PTPRD: variants seen among roughly 807,000 people sequenced by gnomAD.
PTPRD encodes the protein protein tyrosine phosphatase receptor type D.
In PTPRD, 34 loss-of-function variants were observed where a neutral mutation model predicts 214.5. The observed-to-expected ratio is 0.16, with a 90% CI of 0.12 to 0.21. The LOEUF (loss-of-function observed/expected upper bound fraction) is 0.21. PTPRD is among the 10% of genes least tolerant of loss of function. The pLI is 1.00. For synonymous variants in PTPRD, 1,128 were observed against 845.7 expected (o/e 1.33, Z -5.79); for missense variants, 2,545 against 2,398.7 (o/e 1.06, Z -1.27).
At chr9:9,364,391 G>C (rs1451354204) in intron 9 of PTPRD, among the ~76,000 whole-genome samples, 1 of 151,470 alleles carries the variant, frequency 6.6e-6, no homozygotes, top group East Asian at 1.9e-4. Context: ...AAGTATGTCA[G>C]ATATTGGTGA....
intron 10 of PTPRD, among the ~76,000 whole-genome samples, chr9:9,083,872 A>G (rs1325318003): frequency 2.0e-5 from 3 of 152,238 alleles, no homozygotes; most frequent in African/African-American, 7.2e-5. Flanking sequence ...CACACCAGTT[A>G]GAATGGTGAT....
chr9:9,981,247 A>G (rs2095533072), intron 4 of PTPRD, among the ~76,000 whole-genome samples: 1 of 152,132 alleles, frequency 6.6e-6, no homozygotes, highest in Non-Finnish European at 1.5e-5. Context: ...ACACAGTCAG[A>G]TGGATGAGTT....
intron 11 of PTPRD, among the ~76,000 whole-genome samples, chr9:8,915,031 T>C (rs2098774764): frequency 6.6e-6 from 1 of 152,058 alleles, no homozygotes; most frequent in African/African-American, 2.4e-5. Context: ...TTCAAGGAAC[T>C]ATAAAACATC....
At chr9:9,000,031 C>A (rs1248847625) in intron 11 of PTPRD, among the ~76,000 whole-genome samples, 1 of 151,994 alleles carries the variant, frequency 6.6e-6, no homozygotes, top group East Asian at 1.9e-4. Flanking sequence ...GGCAAATTTA[C>A]ACTCTGTCCA....
At chr9:9,692,549 A>G (rs2821459) in intron 7 of PTPRD, among the ~76,000 whole-genome samples, 150,253 of 152,032 alleles carry the variant, frequency 0.99, 74,273 homozygotes, top group Middle Eastern at 1. Context: ...ACAATTTGAA[A>G]GCAAGTAATG....
At chr9:9,564,930 T>C (rs1269358252) in intron 8 of PTPRD, among the ~76,000 whole-genome samples, 1 of 118,584 alleles carries the variant, frequency 8.4e-6, no homozygotes, top group Non-Finnish European at 1.7e-5. Context: ...CACCTAAGGC[T>C]AACCTGTTAT....
chr9:9,449,734 C>CT (rs141734429), intron 8 of PTPRD, among the ~76,000 whole-genome samples: 6,341 of 151,138 alleles, frequency 0.042, 189 homozygotes, highest in Middle Eastern at 0.075. Context: ...AGCAGTCATT[C>CT]TTTTTTTTTA....
chr9:9,233,398 A>C (rs961079538), intron 9 of PTPRD, among the ~76,000 whole-genome samples: 2 of 152,160 alleles, frequency 1.3e-5, no homozygotes, highest in Non-Finnish European at 2.9e-5. Context: ...GGGAACTACA[A>C]TTCAAGATGA....
intron 11 of PTPRD, among the ~76,000 whole-genome samples, chr9:9,009,987 G>A (rs4742555): frequency 0.8 from 121,329 of 151,930 alleles, 48,868 homozygotes; most frequent in Middle Eastern, 0.92. Context: ...CCCTTTAAAG[G>A]GACTTGGAGT....
At chr9:8,337,324 T>C (rs777369051) in intron 43 of PTPRD, among the ~76,000 whole-genome samples, 2 of 152,084 alleles carry the variant, frequency 1.3e-5, no homozygotes, top group African/African-American at 2.4e-5. Flanking sequence ...TGGATGAAGC[T>C]GGAAACCATC....
chr9:8,827,047 T>A (rs761041784), intron 11 of PTPRD, among the ~76,000 whole-genome samples: 2 of 151,828 alleles, frequency 1.3e-5, no homozygotes, highest in East Asian at 1.9e-4. Flanking sequence ...CACACACATA[T>A]AACACACACA....
intron 12 of PTPRD, among the ~76,000 whole-genome samples, chr9:8,655,929 G>A (rs2096901167): frequency 6.6e-6 from 1 of 151,922 alleles, no homozygotes; most frequent in South Asian, 2.1e-4. Context: ...TCCATGGTTC[G>A]CTACTATTGC....
chr9:10,461,479 T>G (rs2098958246), intron 2 of PTPRD, among the ~76,000 whole-genome samples: 1 of 152,080 alleles, frequency 6.6e-6, no homozygotes, highest in Non-Finnish European at 1.5e-5. Flanking sequence ...GAAACTATCA[T>G]AGTTTATGAA....
chr9:9,850,707 GCAATT>G (rs1417649569), intron 5 of PTPRD, among the ~76,000 whole-genome samples: 1 of 151,908 alleles, frequency 6.6e-6, no homozygotes, highest in Non-Finnish European at 1.5e-5. Flanking sequence ...TACTCTCTAA[GCAATT>G]TTCAAGTATA....
intron 4 of PTPRD, among the ~76,000 whole-genome samples, chr9:10,013,778 T>G (rs1393047476): frequency 6.6e-6 from 1 of 152,014 alleles, no homozygotes; most frequent in East Asian, 1.9e-4. Context: ...AACTTTTATG[T>G]TTTAAATTTC....
intron 14 of PTPRD, among the ~76,000 whole-genome samples, chr9:8,601,922 T>G (rs971174216): frequency 6.6e-6 from 1 of 152,116 alleles, no homozygotes. Flanking sequence ...ACAACCAGCC[T>G]GGAATGGACC....
intron 9 of PTPRD, among the ~76,000 whole-genome samples, chr9:9,210,767 G>A (rs1377790945): frequency 2.6e-5 from 4 of 151,862 alleles, no homozygotes; most frequent in African/African-American, 9.7e-5. Flanking sequence ...GGAAACAAAG[G>A]CAACTATTTT....
chr9:9,742,543 G>C (rs2098414950), intron 6 of PTPRD, among the ~76,000 whole-genome samples: 1 of 151,994 alleles, frequency 6.6e-6, no homozygotes, highest in Non-Finnish European at 1.5e-5. Context: ...TTGAGAATGA[G>C]GATATGGGTT....
intron 11 of PTPRD, among the ~76,000 whole-genome samples, chr9:8,946,368 G>T (rs1396147635): frequency 6.6e-6 from 1 of 152,090 alleles, no homozygotes; most frequent in Non-Finnish European, 1.5e-5. Flanking sequence ...GGTTTCGAGG[G>T]TTTTGTTGGA....
Sources: gnomAD v4.1 joint callset for allele counts (sites outside exome capture counted in the v4.1 genomes callset) on GRCh38, gnomAD v4.1.1 for gene constraint, MANE v1.5 for transcripts, NCBI Gene and HGNC (gene_info 2026-07-23, HGNC 2026-07-21) for gene names.